The following RNF217 variants were observed in gnomAD, a reference collection of about 807,000 sequenced individuals.
The protein encoded by RNF217 is ring finger protein 217, also known as E3 ubiquitin-protein ligase RNF217.
Under a neutral mutation model 57.8 loss-of-function variants are expected in RNF217, and 31 were observed. The observed-to-expected ratio is 0.54, with a 90% CI of 0.40 to 0.72. The LOEUF (loss-of-function observed/expected upper bound fraction) is 0.72, where lower values mean the gene tolerates loss of function less well. Ranked by LOEUF, RNF217 falls within the 30% of genes least tolerant of loss-of-function variation. The pLI is 0.00. For missense variants in RNF217, 696 were observed against 708.3 expected, an observed-to-expected ratio of 0.98 and a Z score of 0.20; for synonymous variants, 313 against 294.0, an observed-to-expected ratio of 1.06 and a Z score of -0.66.
At chr6:124,969,263 C>T (rs1783670706) in intron 1 of RNF217, among the ~76,000 whole-genome samples, 1 of 152,114 alleles carries the variant, frequency 6.6e-6, no homozygotes. Flanking sequence ...CAAAGATATA[C>T]ATATTTTGTT....
At chr6:125,074,699 A>C (rs1788299477) in intron 3 of RNF217, among the ~76,000 whole-genome samples, 1 of 151,874 alleles carries the variant, frequency 6.6e-6, no homozygotes, top group Non-Finnish European at 1.5e-5. Context: ...ATAATCATTG[A>C]CCAGTTTTTT....
chr6:124,974,720 G>A (rs1783895499), intron 1 of RNF217, among the ~76,000 whole-genome samples: 1 of 152,190 alleles, frequency 6.6e-6, no homozygotes, highest in African/African-American at 2.4e-5. Flanking sequence ...ATTCTGTATA[G>A]AAATAGTGTT....
At chr6:124,990,604 T>A (rs1335521823) in intron 1 of RNF217, among the ~76,000 whole-genome samples, 1 of 152,230 alleles carries the variant, frequency 6.6e-6, no homozygotes, top group Non-Finnish European at 1.5e-5. Context: ...TTCTTATTTT[T>A]CATGTGTGAT....
intron 1 of RNF217, among the ~76,000 whole-genome samples, chr6:124,993,455 A>G (rs755999255): frequency 2.6e-5 from 4 of 152,094 alleles, no homozygotes; most frequent in Non-Finnish European, 5.9e-5. Flanking sequence ...CCTTTCTTTG[A>G]TGAAGAGGCT....
intron 1 of RNF217, among the ~76,000 whole-genome samples, chr6:125,035,779 C>A (rs977231020): frequency 1.3e-5 from 2 of 151,362 alleles, no homozygotes; most frequent in Admixed American, 1.3e-4. Flanking sequence ...TTTCATTCGC[C>A]TTTTATATTT....
At chr6:125,005,174 G>A (rs569222894) in intron 1 of RNF217, among the ~76,000 whole-genome samples, 1 of 152,260 alleles carries the variant, frequency 6.6e-6, no homozygotes, top group East Asian at 1.9e-4. Context: ...ATTTCAACAT[G>A]AGCTTCAGAG....
chr6:124,969,041 C>CT (rs944614110), intron 1 of RNF217, among the ~76,000 whole-genome samples: 11 of 151,880 alleles, frequency 7.2e-5, no homozygotes, highest in East Asian at 3.9e-4. Context: ...CATAAATAAG[C>CT]TTTTTTTTAA....
At chr6:125,014,159 A>G (rs1326931703) in intron 1 of RNF217, among the ~76,000 whole-genome samples, 2 of 152,192 alleles carry the variant, frequency 1.3e-5, no homozygotes, top group Non-Finnish European at 2.9e-5. Context: ...GTTGGTCAGA[A>G]TGGATGGTCA....
At chr6:124,968,204 G>T (rs866686382) in intron 1 of RNF217, among the ~76,000 whole-genome samples, 11 of 152,114 alleles carry the variant, frequency 7.2e-5, no homozygotes, top group African/African-American at 2.7e-4. Flanking sequence ...TGTCATGCCC[G>T]GTGTGGTTTT....
intron 1 of RNF217, among the ~76,000 whole-genome samples, chr6:124,982,742 A>G (rs1381454555): frequency 3.3e-5 from 5 of 152,216 alleles, no homozygotes; most frequent in Non-Finnish European, 5.9e-5. Flanking sequence ...TGATATGCAA[A>G]CACTGGTTTC....
chr6:124,981,109 A>G (rs1466719857), intron 1 of RNF217, among the ~76,000 whole-genome samples: 1 of 152,226 alleles, frequency 6.6e-6, no homozygotes, highest in Non-Finnish European at 1.5e-5. Flanking sequence ...CACAGACACT[A>G]TATGGTGCTT....
chr6:124,968,858 C>T (rs1215072269), intron 1 of RNF217, among the ~76,000 whole-genome samples: 2 of 152,114 alleles, frequency 1.3e-5, no homozygotes, highest in African/African-American at 2.4e-5. Context: ...CATACCTGAG[C>T]GGTAATTTCT....
rs1446167320 is a variant in RNF217, at chr6:125,089,838, TG to T, written c.*6902del. 23 of 152,308 alleles carry T rather than the reference TG, an allele frequency of 1.5e-4. No individual in the cohort carries two copies. Among genetic ancestry groups the T allele is most frequent in the Admixed American group, 1.4e-3 (21 of 15,288 alleles). 9.4% of individuals were successfully genotyped at this position (152,308 alleles called of 1,614,324 possible). Reference sequence around the variant, plus strand: ...ATCAAATCCTTAAAAACAGCATTTTTGTGAATGTATTACTTCTTCAATATCC... The same window carrying T: ...ATCAAATCCTTAAAAACAGCATTTTTTGAATGTATTACTTCTTCAATATCC... On this transcript the variant is annotated 3_prime_UTR_variant, in exon 6 of 6. Transcript: ENST00000521654.
intron 2 of RNF217, chr6:125,048,341 T>C: frequency 8.6e-7 from 1 of 1,160,140 alleles, no homozygotes; most frequent in Non-Finnish European, 1.2e-6. Context: ...GTGTCATTTA[T>C]GGTAACTTTA....
chr6:125,089,988 T>C lies in RNF217; in HGVS notation c.*7051T>C, dbSNP rs1455080820. Reference sequence around the variant, plus strand: ...TTTATAATGAAAAGTCTAGATAAAGTATCATAATTTCATTATCAGCTGACA... The same window carrying C: ...TTTATAATGAAAAGTCTAGATAAAGCATCATAATTTCATTATCAGCTGACA... On this transcript the variant is annotated 3_prime_UTR_variant, in exon 6 of 6. Coordinates refer to ENST00000521654, the MANE Select transcript of RNF217 (RefSeq NM_001286398.3). 2.0e-5 allele frequency: 3 copies of C among 152,124 alleles called. No individual in the cohort carries two copies. Among genetic ancestry groups the C allele is most frequent in the Non-Finnish European group, 4.4e-5 (3 of 68,026 alleles). The allele number at this position is 152,124 out of a possible 1,614,324, so 9.4% of individuals were successfully genotyped here.
chr6:124,997,824 T>G (rs1363722836), intron 1 of RNF217, among the ~76,000 whole-genome samples: 2 of 152,212 alleles, frequency 1.3e-5, no homozygotes, highest in East Asian at 3.9e-4. Flanking sequence ...CTCTACTAAC[T>G]TAATGTATTT....
At chr6:125,043,054 G>A (rs2114524125) in intron 1 of RNF217, among the ~76,000 whole-genome samples, 1 of 152,112 alleles carries the variant, frequency 6.6e-6, no homozygotes, top group Middle Eastern at 3.4e-3. Context: ...AGACTCCTAA[G>A]ATGGCTTCAT....
At chr6:125,016,382 T>C (rs1004107475) in intron 1 of RNF217, among the ~76,000 whole-genome samples, 1 of 152,150 alleles carries the variant, frequency 6.6e-6, no homozygotes, top group African/African-American at 2.4e-5. Context: ...TGGGATATAC[T>C]AAAGCTGTGT....
chr6:124,994,075 A>G (rs150661202), intron 1 of RNF217, among the ~76,000 whole-genome samples: 101 of 152,278 alleles, frequency 6.6e-4, no homozygotes, highest in African/African-American at 2.4e-3. Flanking sequence ...TGATGGAAGG[A>G]AGAGGAAAAA....
Sources: gnomAD v4.1 joint callset for allele counts (sites outside exome capture counted in the v4.1 genomes callset) on GRCh38, gnomAD v4.1.1 for gene constraint, MANE v1.5 for transcripts, NCBI Gene and HGNC (gene_info 2026-07-23, HGNC 2026-07-21) for gene names.